Variants in SCHIP1 observed in about 807,000 individuals in gnomAD.
SCHIP1 encodes the protein schwannomin-interacting protein 1.
Under a neutral mutation model 29.7 loss-of-function variants are expected in SCHIP1, and 8 were observed. The ratio of observed to expected loss-of-function variants is 0.27; its 90% confidence interval spans 0.16 to 0.49. SCHIP1 has a LOEUF of 0.49. Among genes scored for constraint, SCHIP1 ranks in the 20% least tolerant of loss-of-function variants. The probability of loss-of-function intolerance (pLI) is 0.99; values close to 1 mark genes in which losing one functional copy is unlikely to be tolerated. For synonymous variants in SCHIP1, 76 were observed against 94.9 expected (o/e 0.80, Z 1.16); for missense variants, 193 against 294.6 (o/e 0.66, Z 2.52).
the SCHIP1 span, among the ~76,000 whole-genome samples, chr3:159,758,237 C>A: frequency 1.3e-5 from 2 of 152,282 alleles, no homozygotes; most frequent in East Asian, 3.9e-4. Flanking sequence ...ACTGCAAACT[C>A]CACCTGCTGG....
chr3:159,882,417 C>G (rs982800434), intron 2 of SCHIP1, among the ~76,000 whole-genome samples: 7 of 152,126 alleles, frequency 4.6e-5, no homozygotes, highest in African/African-American at 1.7e-4. Context: ...CTGGGAGATT[C>G]CCATTCCTAA....
the SCHIP1 span, among the ~76,000 whole-genome samples, chr3:159,741,536 A>G: frequency 6.6e-6 from 1 of 152,234 alleles, no homozygotes; most frequent in Non-Finnish European, 1.5e-5. Context: ...AGCTCTTCCC[A>G]GAATAAAGAA....
chr3:159,552,041 T>C, the SCHIP1 span, among the ~76,000 whole-genome samples: 3 of 142,804 alleles, frequency 2.1e-5, no homozygotes, highest in African/African-American at 8.3e-5. Flanking sequence ...GCTTTTTTTT[T>C]TTTTTTTTTT....
the SCHIP1 span, among the ~76,000 whole-genome samples, chr3:159,470,681 T>C: frequency 6.6e-6 from 1 of 152,224 alleles, no homozygotes; most frequent in Non-Finnish European, 1.5e-5. Context: ...CTCAAATCTG[T>C]CTGTCTGTCT....
chr3:159,731,548 C>G, the SCHIP1 span, among the ~76,000 whole-genome samples: 6 of 152,318 alleles, frequency 3.9e-5, no homozygotes, highest in African/African-American at 1.2e-4. Flanking sequence ...AAATCATCTC[C>G]ACTTCACTGT....
chr3:159,718,926 A>T, the SCHIP1 span, among the ~76,000 whole-genome samples: 1 of 152,182 alleles, frequency 6.6e-6, no homozygotes, highest in African/African-American at 2.4e-5. Flanking sequence ...CATTGCCAAG[A>T]CAATCCTAAG....
the SCHIP1 span, among the ~76,000 whole-genome samples, chr3:159,668,997 C>T: frequency 6.6e-6 from 1 of 152,132 alleles, no homozygotes; most frequent in Non-Finnish European, 1.5e-5. Context: ...GCCCTTTTCC[C>T]CTAGTGCTCC....
At chr3:159,337,327 G>T in the SCHIP1 span, among the ~76,000 whole-genome samples, 2 of 152,040 alleles carry the variant, frequency 1.3e-5, no homozygotes, top group Admixed American at 1.3e-4. Flanking sequence ...ATTCAACATA[G>T]TGTTGGAAGT....
chr3:159,413,714 C>A, the SCHIP1 span, among the ~76,000 whole-genome samples: 1 of 152,146 alleles, frequency 6.6e-6, no homozygotes, highest in Non-Finnish European at 1.5e-5. Flanking sequence ...AGGCATTGAC[C>A]TGGCTACCTT....
At chr3:159,648,893 G>A in the SCHIP1 span, among the ~76,000 whole-genome samples, 1 of 151,988 alleles carries the variant, frequency 6.6e-6, no homozygotes, top group African/African-American at 2.4e-5. Flanking sequence ...AAGAGAGAGA[G>A]AGAGAGAATG....
the SCHIP1 span, among the ~76,000 whole-genome samples, chr3:159,821,796 G>A: frequency 1.3e-5 from 2 of 151,976 alleles, no homozygotes; most frequent in Non-Finnish European, 2.9e-5. Context: ...TGGCATATCC[G>A]AATTACCAGC....
the SCHIP1 span, among the ~76,000 whole-genome samples, chr3:159,432,298 G>A: frequency 8.5e-5 from 6 of 70,502 alleles, no homozygotes; most frequent in Admixed American, 7.6e-4. Flanking sequence ...GTGTGTGTGT[G>A]TGTGTGTGTG....
chr3:159,638,631 A>C, the SCHIP1 span, among the ~76,000 whole-genome samples: 1 of 151,358 alleles, frequency 6.6e-6, no homozygotes, highest in African/African-American at 2.4e-5. Flanking sequence ...AAAAAAAAAA[A>C]CAGCTAGAGG....
the SCHIP1 span, among the ~76,000 whole-genome samples, chr3:159,680,116 T>C: frequency 2.0e-5 from 3 of 151,742 alleles, no homozygotes; most frequent in African/African-American, 7.3e-5. Context: ...GGATATAACC[T>C]CTGTGAGGAC....
At chr3:159,518,373 G>A in the SCHIP1 span, among the ~76,000 whole-genome samples, 2 of 152,074 alleles carry the variant, frequency 1.3e-5, no homozygotes, top group African/African-American at 2.4e-5. Flanking sequence ...ACTTACACTG[G>A]ATGGTGGCTA....
chr3:159,284,749 G>A, the SCHIP1 span, among the ~76,000 whole-genome samples: 46 of 151,924 alleles, frequency 3.0e-4, no homozygotes, highest in African/African-American at 1.1e-3. Context: ...TGCTTGCCTC[G>A]GCCTCCCAAA....
At chr3:159,468,827 T>C in the SCHIP1 span, among the ~76,000 whole-genome samples, 5 of 149,618 alleles carry the variant, frequency 3.3e-5, no homozygotes, top group South Asian at 4.2e-4. Flanking sequence ...AGCACAGTAG[T>C]GTGATCTCAG....
chr3:159,721,233 C>T, the SCHIP1 span, among the ~76,000 whole-genome samples: 1 of 152,166 alleles, frequency 6.6e-6, no homozygotes, highest in African/African-American at 2.4e-5. Flanking sequence ...TTGCTTCCTT[C>T]TGACCAAGAA....
At chr3:159,398,632 A>T in the SCHIP1 span, among the ~76,000 whole-genome samples, 1 of 152,150 alleles carries the variant, frequency 6.6e-6, no homozygotes, top group South Asian at 2.1e-4. Flanking sequence ...AGGTCATAGA[A>T]ATGCAGAAAA....
Sources: allele counts gnomAD v4.1 joint callset (sites outside exome capture counted in the v4.1 genomes callset), GRCh38; gene constraint gnomAD v4.1.1; transcripts MANE v1.5; gene names NCBI Gene and HGNC (gene_info 2026-07-23, HGNC 2026-07-21).